The following CHODL variants were observed in gnomAD, a reference collection of about 807,000 sequenced individuals.
CHODL encodes chondrolectin.
A neutral mutation model predicts 34.5 loss-of-function variants in CHODL; 29 were observed. The observed-to-expected ratio is 0.84, with a 90% CI of 0.63 to 1.15. The LOEUF (loss-of-function observed/expected upper bound fraction) is 1.15, where lower values mean the gene tolerates loss of function less well. Among genes scored for constraint, CHODL ranks in the 50% most tolerant of loss-of-function variants. CHODL has a pLI of 0.00. For synonymous variants in CHODL, 125 were observed against 116.1 expected, an observed-to-expected ratio of 1.08 and a Z score of -0.49; for missense variants, 332 against 332.5, an observed-to-expected ratio of 1.00 and a Z score of 0.01.
At chr21:18,216,223 T>G (rs1389680557) in intron 2 of CHODL, among the ~76,000 whole-genome samples, 1 of 152,176 alleles carries the variant, frequency 6.6e-6, no homozygotes, top group Non-Finnish European at 1.5e-5. Flanking sequence ...GTATAATGAT[T>G]AAATCAGGGT....
intron 1 of CHODL, among the ~76,000 whole-genome samples, chr21:17,929,399 A>G (rs1287293590): frequency 2.6e-5 from 4 of 152,262 alleles, no homozygotes; most frequent in Admixed American, 2.0e-4. Flanking sequence ...ATGGCTGACT[A>G]GAAGCAGCTA....
In CHODL at chr21:18,245,188, G is replaced by T. The variant is rs193056274; in HGVS notation, c.-36G>T. The T allele has an allele frequency of 9.5e-5, 130 of 1,362,338 alleles. No homozygotes were observed. The African/African-American group carries it at 1.8e-3, about 19-fold the overall frequency. The allele number at this position is 1,362,338 out of a possible 1,614,324, so 84.4% of individuals were successfully genotyped here. ...TGCGCCCTGGGCAGAGGCCGCCCTC[G>T]CTCCACGCAACACCTGCTGCTGCCA... On this transcript the variant is annotated 5_prime_UTR_variant, in exon 1 of 6. Transcript: ENST00000299295.
upstream of CHODL, among the ~76,000 whole-genome samples, chr21:18,240,531 T>C (rs1393437629): frequency 1.3e-5 from 2 of 152,162 alleles, no homozygotes; most frequent in Non-Finnish European, 2.9e-5. Flanking sequence ...ATTATGTATC[T>C]AATAACTCAG....
intron 1 of CHODL, among the ~76,000 whole-genome samples, chr21:17,932,917 G>A (rs1004564998): frequency 3.9e-5 from 6 of 152,130 alleles, no homozygotes; most frequent in East Asian, 1.9e-4. Context: ...GGTGTTTCTC[G>A]GAGAGGGGGA....
intron 2 of CHODL, among the ~76,000 whole-genome samples, chr21:18,207,764 A>G (rs1406531207): frequency 7.0e-6 from 1 of 143,222 alleles, no homozygotes; most frequent in East Asian, 2.0e-4. Flanking sequence ...TTTTTCCTCT[A>G]ATACTTTAAA....
chr21:17,954,615 A>T (rs2063483165), intron 1 of CHODL, among the ~76,000 whole-genome samples: 1 of 135,588 alleles, frequency 7.4e-6, no homozygotes, highest in Admixed American at 7.3e-5. Context: ...TTATACCATC[A>T]GTGCAGCTGG....
chr21:18,163,103 G>A (rs1001844819), intron 2 of CHODL, among the ~76,000 whole-genome samples: 4 of 152,052 alleles, frequency 2.6e-5, no homozygotes, highest in African/African-American at 7.2e-5. Flanking sequence ...TTACAGTTTG[G>A]GGCTATTAAC....
chr21:18,080,904 T>C (rs2064933925), intron 2 of CHODL, among the ~76,000 whole-genome samples: 1 of 152,214 alleles, frequency 6.6e-6, no homozygotes, highest in Non-Finnish European at 1.5e-5. Flanking sequence ...GGGATTGCCT[T>C]GAATCTATGA....
At chr21:18,012,849 G>T (rs1344107720) in intron 1 of CHODL, among the ~76,000 whole-genome samples, 1 of 152,206 alleles carries the variant, frequency 6.6e-6, no homozygotes. Context: ...AATTATGCTG[G>T]TGTATCTGTT....
intron 1 of CHODL, among the ~76,000 whole-genome samples, chr21:17,988,537 A>G (rs2063772379): frequency 1.8e-5 from 2 of 110,830 alleles, no homozygotes; most frequent in African/African-American, 3.4e-5. Flanking sequence ...TCCTAAAGCT[A>G]TCCCTCCCCC....
chr21:17,971,632 A>G (rs1453605229), intron 1 of CHODL, among the ~76,000 whole-genome samples: 1 of 152,114 alleles, frequency 6.6e-6, no homozygotes. Context: ...TCTGGATATT[A>G]ACAAGTTCTA....
chr21:18,251,749 A>G (rs1400451818), intron 1 of CHODL, among the ~76,000 whole-genome samples: 1 of 138,084 alleles, frequency 7.2e-6, no homozygotes, highest in Non-Finnish European at 1.5e-5. Flanking sequence ...TATTTTATTT[A>G]TTTATTTTAA....
At chr21:18,095,839 A>G (rs897837961) in intron 2 of CHODL, among the ~76,000 whole-genome samples, 1 of 152,182 alleles carries the variant, frequency 6.6e-6, no homozygotes, top group Non-Finnish European at 1.5e-5. Context: ...GGATGCAAGG[A>G]TGGTTCAACA....
upstream of CHODL, among the ~76,000 whole-genome samples, chr21:18,241,049 G>T (rs902716652): frequency 6.6e-6 from 1 of 152,134 alleles, no homozygotes; most frequent in East Asian, 1.9e-4. Flanking sequence ...CCTGAATGAG[G>T]TAGGTCATGT....
chr21:17,972,745 C>T (rs545605321), intron 1 of CHODL, among the ~76,000 whole-genome samples: 9 of 152,154 alleles, frequency 5.9e-5, no homozygotes, highest in Non-Finnish European at 1.2e-4. Context: ...TCAATGCCAT[C>T]CCCATCAAGC....
chr21:18,210,751 T>C (rs1250165039), intron 2 of CHODL, among the ~76,000 whole-genome samples: 8 of 152,204 alleles, frequency 5.3e-5, no homozygotes, highest in Non-Finnish European at 8.8e-5. Flanking sequence ...CTCCTAATCA[T>C]GAACTACTAA....
chr21:18,249,016 T>TATA (rs201938289), intron 1 of CHODL, among the ~76,000 whole-genome samples: 5 of 94,840 alleles, frequency 5.3e-5, no homozygotes, highest in East Asian at 2.2e-4. Flanking sequence ...ATAATATATA[T>TATA]TATACATAAT....
intron 2 of CHODL, among the ~76,000 whole-genome samples, chr21:18,049,245 T>C (rs561612804): frequency 6.6e-6 from 1 of 152,082 alleles, no homozygotes; most frequent in East Asian, 1.9e-4. Flanking sequence ...GCCAAAATTG[T>C]GACTTATGGT....
intron 2 of CHODL, among the ~76,000 whole-genome samples, chr21:18,219,772 A>G (rs1268943220): frequency 6.6e-6 from 1 of 150,960 alleles, no homozygotes; most frequent in East Asian, 1.9e-4. Flanking sequence ...TTAATTGGTT[A>G]GTTGTATTTT....
Sources: gnomAD v4.1 joint callset for allele counts (sites outside exome capture counted in the v4.1 genomes callset) on GRCh38, gnomAD v4.1.1 for gene constraint, MANE v1.5 for transcripts, NCBI Gene and HGNC (gene_info 2026-07-23, HGNC 2026-07-21) for gene names.